The following NUP214 variants were observed in gnomAD, a reference collection of about 807,000 sequenced individuals.
NUP214 encodes nuclear pore complex protein Nup214.
In NUP214, 79 loss-of-function variants were observed where a neutral mutation model predicts 196.2. The ratio of observed to expected loss-of-function variants is 0.40; its 90% confidence interval spans 0.34 to 0.49. The LOEUF is 0.49. Ranked by LOEUF, NUP214 falls within the 20% of genes least tolerant of loss-of-function variation. The pLI is 0.58. For synonymous variants in NUP214, 1,020 were observed against 990.5 expected (o/e 1.03, Z -0.56); for missense variants, 2,468 against 2,539.0 (o/e 0.97, Z 0.60).
chr9:131,179,944 T>C, intron 24 of NUP214, among the ~76,000 whole-genome samples: 1 of 152,226 alleles, frequency 6.6e-6, no homozygotes, highest in East Asian at 1.9e-4. Context: ...GGCAGAATGT[T>C]ACATAAGATG....
At chr9:131,128,640 C>G in intron 3 of NUP214, 157 bp downstream of exon 3, 1 of 572,872 alleles carries the variant, frequency 1.7e-6, no homozygotes, top group Non-Finnish European at 2.8e-6. Context: ...AATCATAGAT[C>G]TTTGAGACAG....
At position 131,197,457 on chromosome 9, in the gene NUP214, G is replaced by A. The variant is rs1488250445; in HGVS notation, c.3963G>A (p.Leu1321=). The part of the protein sequence containing the change: ...ETPPSKLGEL[L]FPSSLAGETL... ...CACCGTCCAAGCTGGGAGAGCTTCT[G>A]TTTCCAAGTTCTTTGGCTGGAGAGA... is the stretch of plus-strand genomic sequence containing the variant. The change falls in exon 29 of 36, where the codon CTG becomes CTA. Residue 1321 remains leucine, a synonymous_variant. Transcript: ENST00000359428. The A allele has an allele frequency of 6.2e-7, 1 of 1,614,186 alleles. No individual in the cohort carries two copies. The highest frequency in any genetic ancestry group is 2.2e-5 in the East Asian group (1 of 44,884).
At chr9:131,202,399 A>T (rs1440604775) in intron 30 of NUP214, among the ~76,000 whole-genome samples, 1 of 152,044 alleles carries the variant, frequency 6.6e-6, no homozygotes, top group Non-Finnish European at 1.5e-5. Flanking sequence ...ACACACACAC[A>T]CACATATATA....
intron 24 of NUP214, among the ~76,000 whole-genome samples, chr9:131,181,750 C>A (rs1833284748): frequency 6.6e-6 from 1 of 152,150 alleles, no homozygotes; most frequent in South Asian, 2.1e-4. Context: ...ATATGATTTG[C>A]AAATATTTTC....
At chr9:131,143,828 C>G (rs989482775) in intron 11 of NUP214, among the ~76,000 whole-genome samples, 2 of 151,186 alleles carry the variant, frequency 1.3e-5, no homozygotes, top group Admixed American at 1.3e-4. Flanking sequence ...TTTTTGGTCA[C>G]TTCTAAATTT....
chr9:131,203,167 G>C lies in NUP214; in HGVS notation c.5592+1450G>C, dbSNP rs144553250. On this transcript the variant is annotated intron_variant, in intron 30 of 35. Transcript: ENST00000359428. Reference sequence around the variant, plus strand: ...TCGCTGTGTTAGCCAGGATGGTCTCGATCTCCTGATCTCGTGATCCGCCCA... The same window carrying C: ...TCGCTGTGTTAGCCAGGATGGTCTCCATCTCCTGATCTCGTGATCCGCCCA... Among the ~76,000 whole-genome samples, 1,012 of 151,242 alleles carry C rather than the reference G, an allele frequency of 6.7e-3. 11 individuals carry two copies. Among genetic ancestry groups the C allele is most frequent in the Non-Finnish European group, 0.01 (689 of 67,716 alleles).
chr9:131,154,859 G>T (rs182163055), intron 17 of NUP214, among the ~76,000 whole-genome samples: 2 of 152,180 alleles, frequency 1.3e-5, no homozygotes, highest in East Asian at 3.9e-4. Context: ...GCGCACGCTC[G>T]CGTGTGTGTC....
At position 131,230,732 on chromosome 9, in the gene NUP214, G is replaced by C. The variant is rs1396581015; in HGVS notation, c.6177G>C (p.Gln2059His). ...AACAGACTTCTGGTTTTGGGACCCA[G>C]AGTAGCGGATTCTCTGGTTTTGGAT... ...LSQQTSGFGT[Q>H]SSGFSGFGSG... The change falls in exon 34 of 36, where the codon CAG becomes CAC. Residue 2059 changes from glutamine (Q) to histidine (H), a missense_variant. This residue lies in a region of NUP214 where 262 missense variants were observed against 296.5 expected (regional missense o/e 0.88). Coordinates refer to ENST00000359428, the MANE Select transcript of NUP214 (RefSeq NM_005085.4). The C allele has an allele frequency of 2.5e-6, 4 of 1,614,180 alleles. No individual in the cohort carries two copies. Among genetic ancestry groups the C allele is most frequent in the Non-Finnish European group, 3.4e-6 (4 of 1,180,034 alleles).
intron 30 of NUP214, among the ~76,000 whole-genome samples, chr9:131,211,278 G>A (rs982928871): frequency 6.6e-6 from 1 of 152,186 alleles, no homozygotes; most frequent in East Asian, 1.9e-4. Flanking sequence ...GTCAGGAAAT[G>A]CCTCTCTGAA....
chr9:131,201,539 T>G, intron 29 of NUP214, 108 bp from the exon 30 acceptor site: 1 of 808,646 alleles, frequency 1.2e-6, no homozygotes, highest in Middle Eastern at 3.3e-4. Flanking sequence ...CACTCCAGCC[T>G]GGTGACAGAG....
chr9:131,150,225 G>A, intron 14 of NUP214, 99 bp from the exon 15 acceptor site: 1 of 924,000 alleles, frequency 1.1e-6, no homozygotes, highest in Non-Finnish European at 1.7e-6. Flanking sequence ...AAGAAATAAT[G>A]ACTGTGTTAC....
At position 131,164,048 on chromosome 9, in the gene NUP214, G is replaced by A; in HGVS notation, c.2810-13G>A. On this transcript the variant is annotated splice_polypyrimidine_tract_variant and intron_variant, in intron 20 of 35. Coordinates refer to ENST00000359428, the MANE Select transcript of NUP214 (RefSeq NM_005085.4). ...GAGTCTTAATCATTTATGGGTTTAT[G>A]GATTTCTTGCAGCCAAACTGTCCCC... The A allele has an allele frequency of 1.2e-6, 2 of 1,614,040 alleles. No individual in the cohort carries two copies. The highest frequency in any genetic ancestry group is 1.7e-6 in the Non-Finnish European group (2 of 1,179,978).
intron 10 of NUP214, among the ~76,000 whole-genome samples, chr9:131,140,305 T>G (rs547014462): frequency 1.1e-4 from 17 of 152,276 alleles, no homozygotes; most frequent in Non-Finnish European, 2.9e-5. Context: ...TCAGAGCTAC[T>G]GCGGGACTGA....
At chr9:131,174,450 T>TTC (rs1554733123) in intron 22 of NUP214, 132 bp downstream of exon 22, 52 of 553,176 alleles carry the variant, frequency 9.4e-5, no homozygotes, top group South Asian at 5.5e-4. Flanking sequence ...TTTTTTTCTT[T>TTC]TTTTCTTTTT....
chr9:131,125,677 G>T lies in NUP214; in HGVS notation c.-28G>T, dbSNP rs149597527. On this transcript the variant is annotated 5_prime_UTR_variant, in exon 1 of 36. Coordinates refer to ENST00000359428, the MANE Select transcript of NUP214 (RefSeq NM_005085.4). The surrounding 1 kb of genome is among the most constrained non-coding windows in gnomAD (Gnocchi z 4.1). The stretch of plus-strand genomic sequence containing the variant: ...GGCAAGGCCGTGGGAGGCAGCGTTG[G>T]CTGCTTCGACACACTGAGGGCGGCG... 3.2e-6 allele frequency: 5 copies of T among 1,548,202 alleles called. No homozygotes were observed. The highest frequency in any genetic ancestry group is 3.5e-6 in the Non-Finnish European group (4 of 1,145,306).
intron 16 of NUP214, among the ~76,000 whole-genome samples, chr9:131,151,007 T>C (rs1832243007): frequency 6.6e-6 from 1 of 152,222 alleles, no homozygotes; most frequent in South Asian, 2.1e-4. Context: ...CATCATAAGA[T>C]GGACTAAGTT....
At chr9:131,216,683 A>C (rs1834409449) in intron 31 of NUP214, among the ~76,000 whole-genome samples, 1 of 150,560 alleles carries the variant, frequency 6.6e-6, no homozygotes, top group South Asian at 2.1e-4. Context: ...CCTGCCACCA[A>C]GCCTGGCTAG....
At chr9:131,228,094 G>T in intron 32 of NUP214, 66 bp from the exon 33 acceptor site, 1 of 1,415,838 alleles carries the variant, frequency 7.1e-7, no homozygotes, top group Non-Finnish European at 9.3e-7. Flanking sequence ...ATTGCTCAAT[G>T]TCTTCTCTTC....
chr9:131,222,673 C>T, intron 31 of NUP214, 105 bp from the exon 32 acceptor site: 1 of 1,367,242 alleles, frequency 7.3e-7, no homozygotes, highest in Non-Finnish European at 9.9e-7. Context: ...GGCGGCTTGT[C>T]ACTCCCATCT....
Sources: gnomAD v4.1 joint callset for allele counts (sites outside exome capture counted in the v4.1 genomes callset) on GRCh38, gnomAD v4.1.1 for gene constraint, gnomAD v4.1.1 regional missense constraint, Gnocchi (gnomAD v3.1) non-coding constraint, MANE v1.5 for transcripts, NCBI Gene and HGNC (gene_info 2026-07-23, HGNC 2026-07-21) for gene names.